The following FCRL2 variants were observed in gnomAD, a reference collection of about 807,000 sequenced individuals.
FCRL2 encodes the protein Fc receptor like 2.
Under a neutral mutation model 59.8 loss-of-function variants are expected in FCRL2, and 48 were observed. The observed-to-expected ratio is 0.80, with a 90% confidence interval of 0.64 to 1.02. The LOEUF (loss-of-function observed/expected upper bound fraction) is 1.02. FCRL2 is among the 50% of genes least tolerant of loss of function. FCRL2 has a pLI of 0.00. For synonymous variants in FCRL2, 251 were observed against 229.5 expected (o/e 1.09, Z -0.85); for missense variants, 658 against 597.3 (o/e 1.10, Z -1.06).
At chr1:157,767,097 A>AG (rs892346142) in intron 6 of FCRL2, 126 bp from the exon 7 acceptor site, 3 of 1,321,726 alleles carry the variant, frequency 2.3e-6, no homozygotes, top group African/African-American at 2.9e-5. Context: ...TGTACTCTTC[A>AG]GGTTAGTGTG....
chr1:157,772,694 T>C (rs1349800772), intron 2 of FCRL2, among the ~76,000 whole-genome samples: 1 of 152,206 alleles, frequency 6.6e-6, no homozygotes, highest in East Asian at 1.9e-4. Context: ...AGCACTTTAC[T>C]CTTTGGACTT....
chr1:157,767,726 A>G lies in FCRL2; in HGVS notation c.884-217T>C. On this transcript the variant is annotated intron_variant, in intron 5 of 11. Coordinates refer to ENST00000361516, the MANE Select transcript of FCRL2 (RefSeq NM_030764.4). ...CTGGGTGCTGCCTGCAGACACGGTC[A>G]TCTGTTGTTCTCATCTGATTGTTTT... 2.6e-6 allele frequency: 4 copies of G among 1,530,858 alleles called. 1 individual carries two copies. The South Asian group carries it at 3.9e-5, about 15-fold the overall frequency. The allele number at this position is 1,530,858 out of a possible 1,614,324, so 94.8% of individuals were successfully genotyped here.
intron 1 of FCRL2, 119 bp downstream of exon 1, chr1:157,776,924 G>C (rs1182933742): frequency 1.1e-6 from 1 of 928,604 alleles, no homozygotes; most frequent in Non-Finnish European, 1.8e-6. Context: ...AGCCCAAGCT[G>C]CAGGCAGGAC....
rs760696474 is a variant in FCRL2 at position 157,766,750 on chromosome 1, C to T, written c.1279+105G>A. On this transcript the variant is annotated intron_variant, in intron 7 of 11. Transcript: ENST00000361516. Reference sequence around the variant, plus strand: ...ATGAAGCATAAAAAGAAATTATTGGCTTTTGGAGAGTTTTCTTTTCTCTCT... The same window carrying T: ...ATGAAGCATAAAAAGAAATTATTGGTTTTTGGAGAGTTTTCTTTTCTCTCT... 5 of 1,550,390 alleles carry T rather than the reference C, an allele frequency of 3.2e-6. No individual in the cohort carries two copies. The Middle Eastern group carries it at 5.2e-4, about 161-fold the overall frequency.
chr1:157,757,058 T>C (rs1395223630), intron 7 of FCRL2, among the ~76,000 whole-genome samples: 1 of 152,248 alleles, frequency 6.6e-6, no homozygotes, highest in Non-Finnish European at 1.5e-5. Flanking sequence ...TGCATTGTTT[T>C]GCAGTGTGAC....
At chr1:157,753,902 G>A (rs1034911305) in intron 7 of FCRL2, among the ~76,000 whole-genome samples, 3 of 151,992 alleles carry the variant, frequency 2.0e-5, no homozygotes, top group African/African-American at 7.3e-5. Context: ...TAGGGACAAA[G>A]ACCAAATATA....
At chr1:157,763,313 A>T (rs777731518) in intron 7 of FCRL2, among the ~76,000 whole-genome samples, 2 of 151,546 alleles carry the variant, frequency 1.3e-5, no homozygotes, top group Non-Finnish European at 2.9e-5. Flanking sequence ...ATTTGAGGTC[A>T]CGAGTTTGAG....
At chr1:157,772,623 G>A (rs1650109200) in intron 2 of FCRL2, among the ~76,000 whole-genome samples, 1 of 152,194 alleles carries the variant, frequency 6.6e-6, no homozygotes, top group Non-Finnish European at 1.5e-5. Flanking sequence ...TAGTTGTGAA[G>A]AGCCAGATCA....
At chr1:157,758,713 G>A in intron 7 of FCRL2, among the ~76,000 whole-genome samples, 1 of 144,280 alleles carries the variant, frequency 6.9e-6, no homozygotes. Context: ...CAAAGCTGGA[G>A]GGCTAACACT....
Position 157,770,070 on chromosome 1 carries a change from G to A in FCRL2, c.391C>T (p.Arg131Trp), listed in dbSNP as rs56044169. Residue 131 changes from arginine (R) to tryptophan (W), a missense_variant, in exon 4 of 12, where the codon CGG becomes TGG. Transcript: ENST00000361516. ...ACATCCAACCTCTGTGGAGAGAGCC[G>A]GGTCTCACATTTCAGGCTCACTGGA... ...GGPVSLKCET[R>W]LSPQRLDVQL... is the part of the protein sequence containing the mutation. 1,935 of 1,614,144 alleles carry A rather than the reference G, an allele frequency of 1.2e-3. 2 individuals carry two copies. Among genetic ancestry groups the A allele is most frequent in the Non-Finnish European group, 1.5e-3 (1,764 of 1,180,010 alleles).
intron 7 of FCRL2, 132 bp from the exon 8 acceptor site, chr1:157,749,809 C>T (rs1648044723): frequency 1.8e-6 from 1 of 548,498 alleles, no homozygotes; most frequent in African/African-American, 1.9e-5. Context: ...TGTATTTCAT[C>T]TAAATGGCTA....
chr1:157,764,637 A>C (rs746124858), intron 7 of FCRL2, among the ~76,000 whole-genome samples: 1 of 152,228 alleles, frequency 6.6e-6, no homozygotes, highest in African/African-American at 2.4e-5. Context: ...TCAGACCACA[A>C]GGAAATGAAG....
chr1:157,770,264 C>A, intron 3 of FCRL2, 114 bp from the exon 4 acceptor site: 1 of 1,446,300 alleles, frequency 6.9e-7, no homozygotes, highest in South Asian at 1.3e-5. Flanking sequence ...AGACACCTCT[C>A]ACCCATCATG....
chr1:157,762,958 A>C (rs980747394), intron 7 of FCRL2, among the ~76,000 whole-genome samples: 1 of 152,226 alleles, frequency 6.6e-6, no homozygotes, highest in Non-Finnish European at 1.5e-5. Flanking sequence ...TAAGCCTGAA[A>C]GCGAAAGGAC....
At chr1:157,753,187 A>T (rs1169880516) in intron 7 of FCRL2, among the ~76,000 whole-genome samples, 5 of 152,134 alleles carry the variant, frequency 3.3e-5, no homozygotes. Context: ...CATACCAGTC[A>T]ATTTTCCAAC....
chr1:157,752,729 T>TGAAAGCCTATATAA (rs1648287945), intron 7 of FCRL2, among the ~76,000 whole-genome samples: 1 of 152,122 alleles, frequency 6.6e-6, no homozygotes, highest in Non-Finnish European at 1.5e-5. Context: ...CAAGAAATGG[T>TGAAAGCCTATATAA]GAAAGCCTAT....
Position 157,767,534 on chromosome 1 carries a change from G to A in FCRL2, c.884-25C>T, listed in dbSNP as rs1021275780. 12 of 1,614,150 alleles carry A rather than the reference G, an allele frequency of 7.4e-6. No individual in the cohort carries two copies. In the Middle Eastern group the frequency reaches 8.2e-4, roughly 111 times the overall value. ...ACTGACAGACACAGAGGGGCTATCAGAAAAGATTTGTGATGCCTCAATAGA... is the reference window on the plus strand; with the variant it reads ...ACTGACAGACACAGAGGGGCTATCAAAAAAGATTTGTGATGCCTCAATAGA... On this transcript the variant is annotated intron_variant, in intron 5 of 11. Coordinates refer to ENST00000361516, the MANE Select transcript of FCRL2 (RefSeq NM_030764.4).
intron 7 of FCRL2, among the ~76,000 whole-genome samples, chr1:157,756,022 A>G (rs1648563914): frequency 6.6e-6 from 1 of 152,236 alleles, no homozygotes; most frequent in African/African-American, 2.4e-5. Flanking sequence ...GAAAAAATAA[A>G]AGGTATTGGG....
intron 10 of FCRL2, among the ~76,000 whole-genome samples, chr1:157,748,078 C>A (rs142062630): frequency 7.1e-4 from 108 of 152,098 alleles, no homozygotes; most frequent in African/African-American, 2.6e-3. Flanking sequence ...TCTCTTGCTC[C>A]CTCCTGGATC....
Sources: allele counts gnomAD v4.1 joint callset (sites outside exome capture counted in the v4.1 genomes callset), GRCh38; gene constraint gnomAD v4.1.1; transcripts MANE v1.5; gene names NCBI Gene and HGNC (gene_info 2026-07-23, HGNC 2026-07-21).